The following DNAJB1 variants were observed in gnomAD, a reference collection of about 807,000 sequenced individuals.
DNAJB1 encodes the protein DnaJ heat shock protein family (Hsp40) member B1, also known as dnaJ homolog subfamily B member 1.
Under a neutral mutation model 24.0 loss-of-function variants are expected in DNAJB1, and 14 were observed. That is an observed-to-expected ratio of 0.58 (90% CI 0.39 to 0.91). The LOEUF is 0.91. DNAJB1 is among the 40% of genes least tolerant of loss of function. DNAJB1 has a pLI of 0.00. For synonymous variants in DNAJB1, 262 were observed against 174.4 expected (o/e 1.50, Z -3.96); for missense variants, 517 against 458.1 (o/e 1.13, Z -1.17).
chr19:14,529,637 G>C, upstream of DNAJB1: 4 of 1,613,438 alleles, frequency 2.5e-6, no homozygotes, highest in Non-Finnish European at 2.5e-6. Flanking sequence ...GGGAGCCTGT[G>C]CTGTGCCGCG....
upstream of DNAJB1, chr19:14,531,159 T>A (rs1291734136): frequency 6.6e-6 from 1 of 152,044 alleles, no homozygotes; most frequent in African/African-American, 2.4e-5. Flanking sequence ...CTCAGCCTCC[T>A]GAATAGCTGG....
At chr19:14,523,417 C>A (rs553940135) in intron 2 of DNAJB1, among the ~76,000 whole-genome samples, 1 of 150,994 alleles carries the variant, frequency 6.6e-6, no homozygotes, top group African/African-American at 2.4e-5. Flanking sequence ...TGGGTTCAAG[C>A]GATTCTCTGC....
chr19:14,529,335 A>AG, upstream of DNAJB1: 1 of 445,718 alleles, frequency 2.2e-6, no homozygotes, highest in Non-Finnish European at 4.2e-6. Context: ...CGACGCCATC[A>AG]GGGGGCGTGG....
chr19:14,517,085 G>T, intron 1 of DNAJB1, 39 bp from the exon 2 acceptor site: 1 of 1,558,466 alleles, frequency 6.4e-7, no homozygotes. Context: ...TGGCTGAACA[G>T]CAGACTCTCT....
rs767397179 is a variant in DNAJB1 at position 14,516,625 on chromosome 19, C to G, written c.633G>C (p.Gly211=). 1.2e-6 allele frequency: 2 copies of G among 1,614,090 alleles called. No homozygotes were observed. Among genetic ancestry groups the G allele is most frequent in the South Asian group, 2.2e-5 (2 of 91,094 alleles). The change falls in exon 2 of 3, where the codon GGG becomes GGC. Residue 211 remains glycine, a synonymous_variant. Coordinates refer to ENST00000254322, the MANE Select transcript of DNAJB1 (RefSeq NM_006145.3). ...AAGTGATTTTGGTTCCTTCTTTCCA[C>G]CCCTTCTTCACTTCGATGGTCAATA... ...DKILTIEVKK[G]WKEGTKITFP...
chr19:14,515,405 C>G lies in DNAJB1; in HGVS notation c.*535G>C, dbSNP rs2072237856. Reference sequence around the variant, plus strand: ...GTATTGCTTGTGGACGCCAACCAGGCAGTTCTGCAGGAATAGTTTAGGTTC... The same window carrying G: ...GTATTGCTTGTGGACGCCAACCAGGGAGTTCTGCAGGAATAGTTTAGGTTC... On this transcript the variant is annotated 3_prime_UTR_variant, in exon 3 of 3. Coordinates refer to ENST00000254322, the MANE Select transcript of DNAJB1 (RefSeq NM_006145.3). The G allele has an allele frequency of 6.5e-6, 1 of 153,606 alleles. No individual in the cohort carries two copies. Among genetic ancestry groups the G allele is most frequent in the East Asian group, 1.9e-4 (1 of 5,194 alleles). 9.5% of individuals were successfully genotyped at this position (153,606 alleles called of 1,614,324 possible). A position where few individuals can be genotyped will look rare whatever the true frequency, so the allele number is the denominator to read the frequency against.
intron 1 of DNAJB1, among the ~76,000 whole-genome samples, chr19:14,555,438 CTTTTTTTTT>C (rs747503834): frequency 6.5e-5 from 6 of 92,904 alleles, no homozygotes; most frequent in African/African-American, 2.3e-4. Context: ...TTTATTTATT[CTTTTTTTTT>C]TTTTTTTTTT....
upstream of DNAJB1, among the ~76,000 whole-genome samples, chr19:14,521,101 A>C (rs568018455): frequency 6.6e-6 from 1 of 152,310 alleles, no homozygotes; most frequent in South Asian, 2.1e-4. Flanking sequence ...TTAGAATTAC[A>C]AGTGCAGCAG....
upstream of DNAJB1, among the ~76,000 whole-genome samples, chr19:14,533,191 TG>T (rs1414989744): frequency 1.3e-5 from 2 of 151,528 alleles, no homozygotes; most frequent in Non-Finnish European, 2.9e-5. Flanking sequence ...GACACCAAGG[TG>T]GGCAAATCAT....
chr19:14,534,528 C>T (rs189705798), upstream of DNAJB1, among the ~76,000 whole-genome samples: 1,967 of 145,610 alleles, frequency 0.014, 23 homozygotes, highest in Non-Finnish European at 0.02. Context: ...CTCCACCTCC[C>T]CGGTTCAAGC....
intron 1 of DNAJB1, chr19:14,536,696 T>A (rs73002842): frequency 0.33 from 49,685 of 151,782 alleles, 8,806 homozygotes; most frequent in Non-Finnish European, 0.41. Context: ...AAGTCACAGG[T>A]AGGGTATTTA....
upstream of DNAJB1, chr19:14,534,031 G>A (rs1435112173): frequency 1.3e-5 from 2 of 152,074 alleles, no homozygotes; most frequent in Non-Finnish European, 2.9e-5. Flanking sequence ...TCTGTCTTCA[G>A]CCTCCAGCAG....
chr19:14,541,096 G>T (rs933985998), intron 1 of DNAJB1, among the ~76,000 whole-genome samples: 1 of 152,134 alleles, frequency 6.6e-6, no homozygotes, highest in Non-Finnish European at 1.5e-5. Flanking sequence ...GAAGTGCTGG[G>T]ATTACAGGTG....
chr19:14,529,351 G>A (rs1000700558), upstream of DNAJB1: 6 of 474,708 alleles, frequency 1.3e-5, no homozygotes, highest in Non-Finnish European at 1.9e-5. Flanking sequence ...CGTGGCAAAG[G>A]GACGCGCGGG....
chr19:14,550,405 C>T (rs779776938), upstream of DNAJB1, among the ~76,000 whole-genome samples: 1 of 152,082 alleles, frequency 6.6e-6, no homozygotes, highest in African/African-American at 2.4e-5. Context: ...CTCGGGCAGT[C>T]GGGGGTTGGC....
upstream of DNAJB1, among the ~76,000 whole-genome samples, chr19:14,518,959 G>A (rs1009743439): frequency 6.6e-6 from 1 of 152,346 alleles, no homozygotes; most frequent in South Asian, 2.1e-4. Context: ...CAGGCCGGGC[G>A]CGGAGCCTCA....
upstream of DNAJB1, chr19:14,529,852 G>T (rs2072553776): frequency 3.5e-6 from 4 of 1,159,152 alleles, no homozygotes; most frequent in Admixed American, 6.1e-5. Context: ...CAAGCGTTGC[G>T]CCCCGGGCCA....
chr19:14,530,543 T>A (rs1437134275), upstream of DNAJB1: 1 of 152,222 alleles, frequency 6.6e-6, no homozygotes, highest in Non-Finnish European at 1.5e-5. Flanking sequence ...CTGGTGAGAT[T>A]CTGTTACCTT....
upstream of DNAJB1, among the ~76,000 whole-genome samples, chr19:14,518,807 G>A (rs552092939): frequency 6.6e-5 from 10 of 152,356 alleles, no homozygotes; most frequent in Admixed American, 5.9e-4. Flanking sequence ...TCCTTTCCCC[G>A]GGAGGCGATG....
Sources: gnomAD v4.1 joint callset for allele counts (sites outside exome capture counted in the v4.1 genomes callset) on GRCh38, gnomAD v4.1.1 for gene constraint, MANE v1.5 for transcripts, NCBI Gene and HGNC (gene_info 2026-07-23, HGNC 2026-07-21) for gene names.